Variants in STPG2 observed in about 807,000 individuals in gnomAD.
The protein encoded by STPG2 is sperm-tail PG-rich repeat-containing protein 2.
Under a neutral mutation model 54.2 loss-of-function variants are expected in STPG2, and 56 were observed. That is an observed-to-expected ratio of 1.03 (90% CI 0.83 to 1.29). The LOEUF (loss-of-function observed/expected upper bound fraction) is 1.29, where lower values mean the gene tolerates loss of function less well. STPG2 is among the 50% of genes most tolerant of loss of function. The probability of loss-of-function intolerance (pLI) is 0.00; values close to 1 mark genes in which losing one functional copy is unlikely to be tolerated. For missense variants in STPG2, 596 were observed against 544.9 expected, an observed-to-expected ratio of 1.09 and a Z score of -0.93; for synonymous variants, 200 against 181.8, an observed-to-expected ratio of 1.10 and a Z score of -0.81.
At chr4:97,962,786 G>T (rs1053869066) in intron 7 of STPG2, among the ~76,000 whole-genome samples, 3 of 152,170 alleles carry the variant, frequency 2.0e-5, no homozygotes, top group African/African-American at 7.2e-5. Flanking sequence ...GAGCAAAAAA[G>T]TATATTCAAA....
At chr4:97,578,193 C>G (rs1472614023) in intron 10 of STPG2, among the ~76,000 whole-genome samples, 1 of 151,224 alleles carries the variant, frequency 6.6e-6, no homozygotes, top group Admixed American at 6.6e-5. Context: ...CAACATCCAC[C>G]TCCCAGGCTC....
At chr4:97,993,440 G>A (rs1363558690) in intron 5 of STPG2, among the ~76,000 whole-genome samples, 1 of 152,146 alleles carries the variant, frequency 6.6e-6, no homozygotes, top group Non-Finnish European at 1.5e-5. Context: ...CTTGATCATA[G>A]TGGATTATCT....
Position 97,791,820 on chromosome 4 carries a change from TA to T in STPG2, c.1204+48952del, listed in dbSNP as rs369932208. Among the ~76,000 whole-genome samples the T allele has an allele frequency of 3.2e-3, 452 of 142,234 alleles. 3 individuals carry two copies. The highest frequency in any genetic ancestry group is 0.01 in the African/African-American group (396 of 38,754). The allele number at this position is 142,234 out of a possible 152,430, so 93.3% of individuals were successfully genotyped here. On this transcript the variant is annotated intron_variant, in intron 9 of 10. Coordinates refer to ENST00000295268, the MANE Select transcript of STPG2 (RefSeq NM_174952.3). Reference sequence around the variant, plus strand: ...TGCATCTAGAACCAAGCATAACAAATAAAAAAAAAAGTACGTTGATGAAACC... The same window carrying T: ...TGCATCTAGAACCAAGCATAACAAATAAAAAAAAAGTACGTTGATGAAACC...
At chr4:97,476,205 T>C (rs943361888) in intron 4 of STPG2, among the ~76,000 whole-genome samples, 1 of 152,158 alleles carries the variant, frequency 6.6e-6, no homozygotes, top group Admixed American at 6.5e-5. Flanking sequence ...GTTCAGGTTT[T>C]ATTTGGTATC....
At chr4:97,985,084 G>A (rs556923113) in intron 5 of STPG2, among the ~76,000 whole-genome samples, 6 of 152,132 alleles carry the variant, frequency 3.9e-5, no homozygotes, top group Non-Finnish European at 7.4e-5. Flanking sequence ...TTTGAGTTGT[G>A]TAAAGTAGGT....
intron 9 of STPG2, among the ~76,000 whole-genome samples, chr4:97,795,750 T>C (rs904529990): frequency 1.1e-4 from 17 of 152,320 alleles, no homozygotes; most frequent in African/African-American, 4.1e-4. Flanking sequence ...GTATTTCTAG[T>C]TCTAGATCCC....
rs35662485 is a variant in STPG2 at position 97,478,873 on chromosome 4, ATGTGTGTGTG to A, written c.462+233816_462+233825del. ...ATGAACCCTAGAAACCAAGCCAAATATGTGTGTGTGTGTGTGTGTGTGTGTGTGTGTGTGT... is the reference window on the plus strand; with the variant it reads ...ATGAACCCTAGAAACCAAGCCAAATATGTGTGTGTGTGTGTGTGTGTGTGT... On this transcript the variant is annotated intron_variant, in intron 4 of 4. Coordinates refer to the STPG2 transcript ENST00000522676. Among the ~76,000 whole-genome samples, 819 of 134,014 alleles carry A rather than the reference ATGTGTGTGTG, an allele frequency of 6.1e-3. 4 individuals are homozygous for A. The highest frequency in any genetic ancestry group is 0.012 in the African/African-American group (423 of 36,324). The allele number at this position is 134,014 out of a possible 152,430, so 87.9% of individuals were successfully genotyped here.
At chr4:97,908,548 A>G (rs1731542812) in intron 8 of STPG2, among the ~76,000 whole-genome samples, 2 of 152,040 alleles carry the variant, frequency 1.3e-5, no homozygotes, top group Non-Finnish European at 2.9e-5. Flanking sequence ...TCATGCTGCT[A>G]TAAAGACACA....
chr4:97,689,575 A>G (rs1005499161), intron 10 of STPG2, among the ~76,000 whole-genome samples: 2 of 152,146 alleles, frequency 1.3e-5, no homozygotes, highest in African/African-American at 4.8e-5. Flanking sequence ...ATTTGCTAGA[A>G]AAGTTTTTTC....
rs555198453 is a variant in STPG2 at position 98,082,115 on chromosome 4, A to C, written c.612+23838T>G. ...CCACCAATGAGGTCACTTGAACCCAATGCAAACCCCCTGCAACTATGTTCT... is the reference window on the plus strand; with the variant it reads ...CCACCAATGAGGTCACTTGAACCCACTGCAAACCCCCTGCAACTATGTTCT... On this transcript the variant is annotated intron_variant, in intron 5 of 10. Coordinates refer to ENST00000295268, the MANE Select transcript of STPG2 (RefSeq NM_174952.3). 2.6e-5 allele frequency among the ~76,000 whole-genome samples: 4 copies of C among 152,258 alleles called. No homozygotes were observed. The East Asian group carries it at 7.7e-4, about 29-fold the overall frequency.
chr4:97,712,538 A>G (rs1724156702), intron 10 of STPG2, among the ~76,000 whole-genome samples, 161 bp downstream of exon 10: 1 of 152,314 alleles, frequency 6.6e-6, no homozygotes, highest in South Asian at 2.1e-4. Flanking sequence ...TTCTTTTTAA[A>G]TGTCAGACCA....
intron 8 of STPG2, among the ~76,000 whole-genome samples, chr4:97,870,092 G>T (rs1453746854): frequency 6.6e-6 from 1 of 151,502 alleles, no homozygotes; most frequent in African/African-American, 2.4e-5. Flanking sequence ...ATTCAAATAT[G>T]ATAACTTCTG....
chr4:98,063,434 C>A (rs534811401), intron 5 of STPG2, among the ~76,000 whole-genome samples: 2 of 150,428 alleles, frequency 1.3e-5, no homozygotes, highest in Non-Finnish European at 3.0e-5. Flanking sequence ...GGTGACAGAG[C>A]AAGACACCAT....
chr4:97,778,536 A>T (rs778580491), intron 9 of STPG2, among the ~76,000 whole-genome samples: 7 of 152,192 alleles, frequency 4.6e-5, no homozygotes, highest in Non-Finnish European at 1.0e-4. Flanking sequence ...AGGCAGCAGG[A>T]ACCTCTGCAG....
At chr4:98,019,945 C>T (rs1430820682) in intron 5 of STPG2, among the ~76,000 whole-genome samples, 5 of 122,172 alleles carry the variant, frequency 4.1e-5, no homozygotes, top group Admixed American at 7.9e-5. Flanking sequence ...TCTAGATATA[C>T]AATCATGTCG....
At chr4:97,448,209 C>T (rs999139545) in intron 4 of STPG2, among the ~76,000 whole-genome samples, 5 of 152,212 alleles carry the variant, frequency 3.3e-5, no homozygotes, top group African/African-American at 1.2e-4. Context: ...TTTGATTTCA[C>T]AAGCTCATAG....
intron 5 of STPG2, among the ~76,000 whole-genome samples, chr4:98,055,144 C>T (rs978008751): frequency 1.3e-5 from 2 of 152,042 alleles, no homozygotes; most frequent in Non-Finnish European, 2.9e-5. Context: ...TAGATTATAG[C>T]AGAGAAACCA....
intron 8 of STPG2, among the ~76,000 whole-genome samples, chr4:97,932,193 C>T (rs191541944): frequency 1.1e-3 from 163 of 152,174 alleles, no homozygotes; most frequent in African/African-American, 3.8e-3. Flanking sequence ...AAACCAACTC[C>T]TGGATTCTTT....
At chr4:97,464,270 A>G (rs1205356742) in intron 4 of STPG2, among the ~76,000 whole-genome samples, 1 of 152,218 alleles carries the variant, frequency 6.6e-6, no homozygotes, top group East Asian at 1.9e-4. Flanking sequence ...AGTACGCAGT[A>G]TAACAACTAC....
Sources: allele counts gnomAD v4.1 joint callset (sites outside exome capture counted in the v4.1 genomes callset), GRCh38; gene constraint gnomAD v4.1.1; transcripts MANE v1.5; gene names NCBI Gene and HGNC (gene_info 2026-07-23, HGNC 2026-07-21).